PKHD1: variants seen among roughly 807,000 people sequenced by gnomAD.
The protein encoded by PKHD1 is PKHD1 ciliary IPT domain containing fibrocystin/polyductin.
In PKHD1, 291 loss-of-function variants were observed where a neutral mutation model predicts 412.0. The ratio of observed to expected loss-of-function variants is 0.71; its 90% CI spans 0.64 to 0.78. The LOEUF (loss-of-function observed/expected upper bound fraction) is 0.78, where lower values mean the gene tolerates loss of function less well. Ranked by LOEUF, PKHD1 falls within the 30% of genes least tolerant of loss-of-function variation. The pLI is 0.00. For synonymous variants in PKHD1, 1,777 were observed against 1,821.5 expected (o/e 0.98, Z 0.62); for missense variants, 4,825 against 4,950.7 (o/e 0.97, Z 0.76).
At chr6:51,798,222 T>C (rs1554248530) in intron 52 of PKHD1, among the ~76,000 whole-genome samples, 1 of 151,908 alleles carries the variant, frequency 6.6e-6, no homozygotes. Flanking sequence ...CTACTAAAAA[T>C]ACAAAAATTA....
At chr6:51,950,220 A>AAAAAAAATATATATATATATATAT in intron 36 of PKHD1, among the ~76,000 whole-genome samples, 137 of 98,252 alleles carry the variant, frequency 1.4e-3, no homozygotes, top group African/African-American at 1.9e-3. Flanking sequence ...GAAAAAAAAA[A>AAAAAAAATATATATATATATATAT]ATATATATAT....
chr6:51,663,535 C>A (rs1375235466), intron 60 of PKHD1, among the ~76,000 whole-genome samples: 2 of 152,110 alleles, frequency 1.3e-5, no homozygotes, highest in Non-Finnish European at 2.9e-5. Flanking sequence ...AGGTCAGGGA[C>A]AATATTTCAT....
intron 52 of PKHD1, among the ~76,000 whole-genome samples, chr6:51,796,442 CA>C (rs957598547): frequency 5.2e-5 from 5 of 96,452 alleles, no homozygotes; most frequent in African/African-American, 7.6e-5. Context: ...GTTTTTTTTT[CA>C]AAAAAATCCT....
intron 65 of PKHD1, 23 bp from the exon 66 acceptor site, chr6:51,627,139 G>C: frequency 6.2e-7 from 1 of 1,601,706 alleles, no homozygotes; most frequent in Non-Finnish European, 8.5e-7. Flanking sequence ...AGAAGAAAAA[G>C]GATTTTTTTG....
intron 14 of PKHD1, among the ~76,000 whole-genome samples, chr6:52,062,043 A>G (rs758878475): frequency 7.2e-5 from 11 of 152,222 alleles, no homozygotes; most frequent in Non-Finnish European, 1.0e-4. Flanking sequence ...AGAACCCGCA[A>G]GAGCTTCCCC....
chr6:51,815,619 C>T (rs1437973638), intron 52 of PKHD1, among the ~76,000 whole-genome samples: 2 of 152,112 alleles, frequency 1.3e-5, no homozygotes, highest in Non-Finnish European at 1.5e-5. Context: ...AGGAGAACAG[C>T]AGACGATGAG....
chr6:51,906,214 C>A lies in PKHD1; in HGVS notation c.6808+1G>T, dbSNP rs1217968843. 2 of 1,611,270 alleles carry A rather than the reference C, an allele frequency of 1.2e-6. No homozygotes were observed. Among genetic ancestry groups the A allele is most frequent in the Non-Finnish European group, 1.7e-6 (2 of 1,177,870 alleles). On this transcript the variant is annotated splice_donor_variant, in intron 41 of 66. Transcript: ENST00000371117. LOFTEE classifies it high-confidence loss of function. ...AAATTCAACAAGCTTGTTTTACTTA[C>A]CAACTAGCAGCGCATGACCTAAAAT...
chr6:51,726,150 G>A (rs1241942844), intron 60 of PKHD1, among the ~76,000 whole-genome samples: 3 of 152,146 alleles, frequency 2.0e-5, no homozygotes, highest in South Asian at 4.1e-4. Context: ...GGGTAAATGA[G>A]CTGCTTTTCT....
intron 43 of PKHD1, among the ~76,000 whole-genome samples, chr6:51,894,309 C>G (rs1779557051): frequency 6.6e-6 from 1 of 152,182 alleles, no homozygotes; most frequent in South Asian, 2.1e-4. Flanking sequence ...CCCCTGGAGA[C>G]TCAAGCACTT....
intron 36 of PKHD1, among the ~76,000 whole-genome samples, chr6:51,946,222 G>A (rs755922367): frequency 1.6e-4 from 25 of 152,108 alleles, no homozygotes; most frequent in African/African-American, 4.3e-4. Flanking sequence ...AATTATCTGC[G>A]TTGTCAGGAG....
chr6:51,868,160 T>A lies in PKHD1; in HGVS notation c.7487-51A>T, dbSNP rs764382420. On this transcript the variant is annotated intron_variant, in intron 47 of 66. Transcript: ENST00000371117. ...ATTACACAATGGCACAAATAGCAACTAAATTCACTGGAGTGATGGTCTTAG... is the reference window on the plus strand; with the variant it reads ...ATTACACAATGGCACAAATAGCAACAAAATTCACTGGAGTGATGGTCTTAG... The A allele has an allele frequency of 7.6e-6, 11 of 1,445,192 alleles. No homozygotes were observed. The Admixed American group carries it at 1.8e-4, about 24-fold the overall frequency. 89.5% of individuals were successfully genotyped at this position (1,445,192 alleles called of 1,614,324 possible). A position where few individuals can be genotyped will look rare whatever the true frequency, so the allele number is the denominator to read the frequency against.
intron 36 of PKHD1, among the ~76,000 whole-genome samples, chr6:51,958,951 A>G (rs1791583311): frequency 6.6e-6 from 1 of 152,116 alleles, no homozygotes; most frequent in Non-Finnish European, 1.5e-5. Context: ...ATAGAAGAGA[A>G]AAAAAACAGC....
chr6:51,747,692 T>G, intron 58 of PKHD1, 95 bp downstream of exon 58: 2 of 1,076,878 alleles, frequency 1.9e-6, no homozygotes, highest in South Asian at 2.5e-5. Context: ...TAGACCACAA[T>G]GTACCTTTTT....
chr6:52,078,939 A>G (rs1811673431), intron 5 of PKHD1, among the ~76,000 whole-genome samples: 1 of 152,270 alleles, frequency 6.6e-6, no homozygotes, highest in Non-Finnish European at 1.5e-5. Flanking sequence ...ACCTGAAACA[A>G]CAGCAAATTC....
At chr6:52,034,964 C>T (rs979688181) in intron 28 of PKHD1, among the ~76,000 whole-genome samples, 1 of 152,128 alleles carries the variant, frequency 6.6e-6, no homozygotes, top group Non-Finnish European at 1.5e-5. Flanking sequence ...CTTAAGTCAA[C>T]TCTAAATAGA....
Position 51,925,459 on chromosome 6 carries a change from G to GTGTGTA in PKHD1, c.6121+8650_6121+8651insTACACA, listed in dbSNP as rs1554140298. Among the ~76,000 whole-genome samples, 1,124 of 136,442 alleles carry GTGTGTA rather than the reference G, an allele frequency of 8.2e-3. 9 individuals are homozygous for GTGTGTA. The highest frequency in any genetic ancestry group is 0.03 in the African/African-American group (1,044 of 34,812). 89.5% of individuals were successfully genotyped at this position (136,442 alleles called of 152,430 possible). A position where few individuals can be genotyped will look rare whatever the true frequency, so the allele number is the denominator to read the frequency against. On this transcript the variant is annotated intron_variant, in intron 37 of 66. Transcript: ENST00000371117. ...TCTTCGTGTGTGTGTGTGTGTATGT[G>GTGTGTA]TGTGTGTGTGTGTGTGTGTGTAGGT...
At chr6:51,745,560 C>A (rs1326523653) in intron 59 of PKHD1, among the ~76,000 whole-genome samples, 1 of 152,032 alleles carries the variant, frequency 6.6e-6, no homozygotes, top group African/African-American at 2.4e-5. Context: ...AAATTTATGT[C>A]CAGGTGCAGT....
At chr6:52,043,559 G>T in intron 26 of PKHD1, 66 bp downstream of exon 26, 1 of 1,072,510 alleles carries the variant, frequency 9.3e-7, no homozygotes, top group Non-Finnish European at 1.4e-6. Flanking sequence ...CAGCTACATG[G>T]CCTCTAACAA....
intron 36 of PKHD1, among the ~76,000 whole-genome samples, chr6:51,935,926 C>T (rs1209415154): frequency 1.3e-5 from 2 of 152,216 alleles, no homozygotes; most frequent in African/African-American, 4.8e-5. Context: ...GTTAACTTCT[C>T]ACCAAGGCCT....
Sources: allele counts gnomAD v4.1 joint callset (sites outside exome capture counted in the v4.1 genomes callset), GRCh38; gene constraint gnomAD v4.1.1; transcripts MANE v1.5; gene names NCBI Gene and HGNC (gene_info 2026-07-23, HGNC 2026-07-21).